Variants in ADARB2 observed in about 807,000 individuals in gnomAD.
ADARB2 encodes the protein inactive double-stranded RNA-specific editase B2.
A neutral mutation model predicts 62.2 loss-of-function variants in ADARB2; 25 were observed. That is an observed-to-expected ratio of 0.40 (90% confidence interval 0.29 to 0.56). The LOEUF is 0.56. Ranked by LOEUF, ADARB2 falls within the 20% of genes least tolerant of loss-of-function variation. The probability of loss-of-function intolerance (pLI) is 0.43; values close to 1 mark genes in which losing one functional copy is unlikely to be tolerated. For missense variants in ADARB2, 1,071 were observed against 1,077.4 expected, an observed-to-expected ratio of 0.99 and a Z score of 0.08; for synonymous variants, 572 against 500.8, an observed-to-expected ratio of 1.14 and a Z score of -1.90.
At chr10:1,392,995 C>T (rs1036414679) in intron 1 of ADARB2, among the ~76,000 whole-genome samples, 26 of 152,174 alleles carry the variant, frequency 1.7e-4, no homozygotes, top group African/African-American at 5.6e-4. Context: ...AAAGTCCCCA[C>T]ATTTGTAGGA....
At chr10:1,689,100 A>G (rs751267360) in intron 1 of ADARB2, among the ~76,000 whole-genome samples, 1 of 152,208 alleles carries the variant, frequency 6.6e-6, no homozygotes, top group Admixed American at 6.5e-5. Flanking sequence ...ATGCTGCAAG[A>G]AAGCAATGGG....
chr10:1,219,402 A>C (rs141819126), intron 6 of ADARB2, among the ~76,000 whole-genome samples: 39 of 152,354 alleles, frequency 2.6e-4, no homozygotes, highest in African/African-American at 9.4e-4. Flanking sequence ...TTCACTATAC[A>C]TTCATAGTAC....
chr10:1,537,260 A>T (rs1411643486), intron 1 of ADARB2, among the ~76,000 whole-genome samples: 1 of 152,250 alleles, frequency 6.6e-6, no homozygotes, highest in Non-Finnish European at 1.5e-5. Flanking sequence ...AACCACACTG[A>T]GATGCCATCT....
At chr10:1,593,025 C>T (rs1363712603) in intron 1 of ADARB2, among the ~76,000 whole-genome samples, 1,005 of 89,886 alleles carry the variant, frequency 0.011, no homozygotes, top group Non-Finnish European at 0.016. Context: ...TCACCCAAGC[C>T]ACCCTCCATA....
chr10:1,343,441 G>C (rs572072738), intron 3 of ADARB2, among the ~76,000 whole-genome samples: 1 of 152,156 alleles, frequency 6.6e-6, no homozygotes, highest in Non-Finnish European at 1.5e-5. Context: ...AGATTAGCTC[G>C]GCCATTGTGG....
chr10:1,419,588 A>C (rs1483101992), intron 1 of ADARB2, among the ~76,000 whole-genome samples: 1 of 152,262 alleles, frequency 6.6e-6, no homozygotes, highest in Non-Finnish European at 1.5e-5. Context: ...AGGGACGGTA[A>C]GCCCAGATGG....
intron 3 of ADARB2, among the ~76,000 whole-genome samples, chr10:1,286,943 A>ATT (rs375859390): frequency 2.6e-5 from 4 of 152,164 alleles, no homozygotes; most frequent in African/African-American, 9.7e-5. Context: ...CAAACATAAC[A>ATT]TTTTTTTAGA....
At position 1,406,425 on chromosome 10, in the gene ADARB2, G is replaced by A. The variant is rs201696314; in HGVS notation, c.101-27265C>T. Among the ~76,000 whole-genome samples the A allele has an allele frequency of 4.6e-5, 7 of 152,254 alleles. No homozygotes were observed. In the East Asian group the frequency reaches 5.8e-4, roughly 13 times the overall value. Reference sequence around the variant, plus strand: ...AGGAGAGAGTGGCCTGGGGGACCTCGTGGAAGGCTGGAGGGGTCACTGAAG... The same window carrying A: ...AGGAGAGAGTGGCCTGGGGGACCTCATGGAAGGCTGGAGGGGTCACTGAAG... On this transcript the variant is annotated intron_variant, in intron 1 of 9. Coordinates refer to ENST00000381312, the MANE Select transcript of ADARB2 (RefSeq NM_018702.4).
At chr10:1,703,601 C>A (rs543192145) in intron 1 of ADARB2, among the ~76,000 whole-genome samples, 1 of 152,272 alleles carries the variant, frequency 6.6e-6, no homozygotes, top group East Asian at 1.9e-4. Context: ...GGAGATTTTG[C>A]ATCAAATAGG....
intron 1 of ADARB2, among the ~76,000 whole-genome samples, chr10:1,607,635 A>ACGAGAGCT (rs1482627274): frequency 1.2e-4 from 19 of 152,160 alleles, no homozygotes; most frequent in Non-Finnish European, 2.6e-4. Context: ...CCAGTAAAGT[A>ACGAGAGCT]CGAGAGCTCG....
intron 1 of ADARB2, among the ~76,000 whole-genome samples, chr10:1,579,276 T>C (rs950508701): frequency 1.3e-5 from 2 of 152,144 alleles, no homozygotes; most frequent in Non-Finnish European, 2.9e-5. Context: ...ACACAATGAA[T>C]AGAAGGCACA....
At chr10:1,626,384 C>T in intron 1 of ADARB2, among the ~76,000 whole-genome samples, 1 of 129,050 alleles carries the variant, frequency 7.7e-6, no homozygotes, top group South Asian at 2.6e-4. Context: ...CCCATGTCTG[C>T]CCACGCTCTC....
At chr10:1,351,517 T>TCAAC (rs1832140551) in intron 3 of ADARB2, among the ~76,000 whole-genome samples, 1 of 152,064 alleles carries the variant, frequency 6.6e-6, no homozygotes. Flanking sequence ...CCGAGACACT[T>TCAAC]TAAATTATCT....
intron 1 of ADARB2, among the ~76,000 whole-genome samples, chr10:1,563,106 T>G (rs1832808889): frequency 1.3e-5 from 2 of 152,030 alleles, no homozygotes; most frequent in African/African-American, 4.8e-5. Flanking sequence ...GGTGAGAACG[T>G]GGTCTCCCTA....
intron 1 of ADARB2, among the ~76,000 whole-genome samples, chr10:1,389,156 C>T (rs867560910): frequency 5.9e-5 from 9 of 152,100 alleles, no homozygotes; most frequent in African/African-American, 1.4e-4. Context: ...GGATCACAGA[C>T]CTAAATGAAA....
intron 1 of ADARB2, among the ~76,000 whole-genome samples, chr10:1,609,692 T>A (rs1833543260): frequency 6.6e-6 from 1 of 152,212 alleles, no homozygotes; most frequent in African/African-American, 2.4e-5. Context: ...TTGGGGACAC[T>A]CTTTTATCAA....
At chr10:1,449,816 C>T (rs920213601) in intron 1 of ADARB2, among the ~76,000 whole-genome samples, 7 of 152,224 alleles carry the variant, frequency 4.6e-5, no homozygotes, top group Admixed American at 4.6e-4. Context: ...AAATTAAGGA[C>T]TTTACGGATA....
At chr10:1,244,362 G>A (rs1830957741) in intron 4 of ADARB2, among the ~76,000 whole-genome samples, 1 of 152,266 alleles carries the variant, frequency 6.6e-6, no homozygotes, top group East Asian at 1.9e-4. Context: ...CACGACCGGT[G>A]CGCATGCAGT....
chr10:1,411,605 C>T (rs1832760239), intron 1 of ADARB2, among the ~76,000 whole-genome samples: 1 of 152,192 alleles, frequency 6.6e-6, no homozygotes, highest in South Asian at 2.1e-4. Flanking sequence ...AGATGTGGTC[C>T]TGGGTGGGTG....
Sources: allele counts gnomAD v4.1 joint callset (sites outside exome capture counted in the v4.1 genomes callset), GRCh38; gene constraint gnomAD v4.1.1; transcripts MANE v1.5; gene names NCBI Gene and HGNC (gene_info 2026-07-23, HGNC 2026-07-21).